LSM12: variants seen among roughly 807,000 people sequenced by gnomAD.
The protein encoded by LSM12 is LSM12 homolog, also known as protein LSM12.
For synonymous variants in LSM12, 74 were observed against 87.3 expected (o/e 0.85, Z 0.85); for missense variants, 108 against 238.9 (o/e 0.45, Z 3.61).
At chr17:44,058,708 T>G (rs552129820) in intron 2 of LSM12, among the ~76,000 whole-genome samples, 83 of 152,282 alleles carry the variant, frequency 5.5e-4, no homozygotes, top group Non-Finnish European at 8.5e-4. Flanking sequence ...GGCGCACGCC[T>G]GTAATCCCAG....
upstream of LSM12, chr17:44,066,778 A>G: frequency 1.5e-6 from 1 of 675,430 alleles, no homozygotes; most frequent in Non-Finnish European, 2.0e-6. Context: ...GAATCTGAAA[A>G]GTATTTGTAT....
intron 3 of LSM12, among the ~76,000 whole-genome samples, chr17:44,039,539 G>A (rs1343655510): frequency 2.0e-5 from 3 of 150,564 alleles, no homozygotes; most frequent in Non-Finnish European, 4.4e-5. Context: ...CCGCCACCGC[G>A]CCCGGCTAAT....
At chr17:44,048,061 A>ACACACG (rs1555624203) in intron 2 of LSM12, among the ~76,000 whole-genome samples, 5 of 146,418 alleles carry the variant, frequency 3.4e-5, no homozygotes, top group African/African-American at 1.3e-4. Flanking sequence ...ACACACACAC[A>ACACACG]CACGCAAATA....
chr17:44,046,301 A>G (rs187895198), intron 2 of LSM12, among the ~76,000 whole-genome samples: 2 of 152,246 alleles, frequency 1.3e-5, no homozygotes, highest in Admixed American at 1.3e-4. Flanking sequence ...GTGTGTGGAC[A>G]TGTTTTTACT....
chr17:44,064,065 G>C lies in LSM12; in HGVS notation c.125-131C>G, dbSNP rs572985302. On this transcript the variant is annotated intron_variant, in intron 1 of 4. Coordinates refer to ENST00000293406, the MANE Select transcript of LSM12 (RefSeq NM_001371445.1). ...GGCCAGGAGCATGAGGGCCTTATAA[G>C]AATCACGGTTCTCCTCAGGAAATCT... The C allele has an allele frequency of 3.2e-5, 31 of 954,482 alleles. No homozygotes were observed. In the East Asian group the frequency reaches 7.1e-4, roughly 22 times the overall value. The allele number at this position is 954,482 out of a possible 1,614,324, so 59.1% of individuals were successfully genotyped here.
intron 2 of LSM12, among the ~76,000 whole-genome samples, chr17:44,053,126 T>TC (rs2049668298): frequency 6.6e-6 from 1 of 152,060 alleles, no homozygotes; most frequent in African/African-American, 2.4e-5. Flanking sequence ...TTCAAGCCCC[T>TC]CCTCCACTGT....
At chr17:44,045,339 T>C (rs1410369240) in intron 2 of LSM12, among the ~76,000 whole-genome samples, 1 of 152,170 alleles carries the variant, frequency 6.6e-6, no homozygotes, top group Non-Finnish European at 1.5e-5. Context: ...AATCTATTTC[T>C]ATAGTTTTTC....
At position 44,043,406 on chromosome 17, in the gene LSM12, G is replaced by A. The variant is rs190324771; in HGVS notation, c.259-3150C>T. 2.0e-3 allele frequency among the ~76,000 whole-genome samples: 302 copies of A among 152,288 alleles called. 1 individual carries two copies. Among genetic ancestry groups the A allele is most frequent in the African/African-American group, 6.9e-3 (285 of 41,560 alleles). ...AGACAAATAAACACACAGGCTGACA[G>A]CATTCCAAGCAGTGGCAATCCCAAC... On this transcript the variant is annotated intron_variant, in intron 2 of 4. Coordinates refer to ENST00000293406, the MANE Select transcript of LSM12 (RefSeq NM_001371445.1).
intron 2 of LSM12, among the ~76,000 whole-genome samples, chr17:44,055,810 T>A (rs1174544122): frequency 6.7e-6 from 1 of 149,676 alleles, no homozygotes; most frequent in Admixed American, 6.7e-5. Flanking sequence ...TCCACAAACA[T>A]AGGCCACAAT....
chr17:44,046,753 T>C (rs1031718023), intron 2 of LSM12, among the ~76,000 whole-genome samples: 2 of 118,054 alleles, frequency 1.7e-5, no homozygotes, highest in Non-Finnish European at 3.3e-5. Context: ...TTTTCTTTTT[T>C]TTTTTCTTTT....
At chr17:44,057,296 C>T (rs1486664644) in intron 2 of LSM12, among the ~76,000 whole-genome samples, 2 of 150,180 alleles carry the variant, frequency 1.3e-5, no homozygotes, top group Non-Finnish European at 3.0e-5. Flanking sequence ...ACTACAGGCA[C>T]ATGCCACCAC....
intron 2 of LSM12, among the ~76,000 whole-genome samples, chr17:44,046,463 T>C (rs1181878242): frequency 6.6e-6 from 1 of 151,230 alleles, no homozygotes; most frequent in Non-Finnish European, 1.5e-5. Flanking sequence ...ATCCCAGCAC[T>C]TTGGGAGGCC....
chr17:44,055,371 A>T (rs949269807), intron 2 of LSM12, among the ~76,000 whole-genome samples: 1 of 151,826 alleles, frequency 6.6e-6, no homozygotes, highest in African/African-American at 2.4e-5. Context: ...GGGTCAAGAT[A>T]TGACAAAGGG....
At chr17:44,041,227 T>C (rs563105893) in intron 2 of LSM12, among the ~76,000 whole-genome samples, 1 of 147,170 alleles carries the variant, frequency 6.8e-6, no homozygotes, top group Admixed American at 7.0e-5. Context: ...GCCGAGATCA[T>C]GCTACTGTAC....
At chr17:44,057,016 C>T (rs961949584) in intron 2 of LSM12, among the ~76,000 whole-genome samples, 2 of 151,046 alleles carry the variant, frequency 1.3e-5, no homozygotes, top group African/African-American at 4.9e-5. Context: ...ATAAGACGGA[C>T]GTGGTGGGGC....
upstream of LSM12, among the ~76,000 whole-genome samples, chr17:44,066,941 AAT>A (rs1197327287): frequency 6.6e-6 from 1 of 152,188 alleles, no homozygotes; most frequent in Non-Finnish European, 1.5e-5. Context: ...AATTTTATAA[AAT>A]ATGTTAACCC....
chr17:44,052,311 T>C (rs1597891635), intron 2 of LSM12, among the ~76,000 whole-genome samples: 1 of 148,344 alleles, frequency 6.7e-6, no homozygotes, highest in East Asian at 2.0e-4. Context: ...ACCCTGTTTC[T>C]ACAAAAAAAA....
At chr17:44,062,017 C>G (rs924281852) in intron 2 of LSM12, among the ~76,000 whole-genome samples, 4 of 151,834 alleles carry the variant, frequency 2.6e-5, no homozygotes, top group Non-Finnish European at 5.9e-5. Context: ...GTCAGGAGAT[C>G]GAGACCGTCC....
intron 2 of LSM12, among the ~76,000 whole-genome samples, chr17:44,054,293 AC>A (rs2049682604): frequency 6.6e-6 from 1 of 152,244 alleles, no homozygotes; most frequent in Non-Finnish European, 1.5e-5. Flanking sequence ...ACTGAATCTC[AC>A]TTCAAAAAGC....
Sources: allele counts gnomAD v4.1 joint callset (sites outside exome capture counted in the v4.1 genomes callset), GRCh38; gene constraint gnomAD v4.1.1; transcripts MANE v1.5; gene names NCBI Gene and HGNC (gene_info 2026-07-23, HGNC 2026-07-21).